Variants in CDH23 observed in about 807,000 individuals in gnomAD.
CDH23 encodes cadherin related 23.
Under a neutral mutation model 317.1 loss-of-function variants are expected in CDH23, and 189 were observed. The observed-to-expected ratio is 0.60, with a 90% CI of 0.53 to 0.67. The LOEUF (loss-of-function observed/expected upper bound fraction) is 0.67. CDH23 is among the 30% of genes least tolerant of loss of function. The pLI is 0.00. For missense variants in CDH23, 4,401 were observed against 4,592.4 expected, an observed-to-expected ratio of 0.96 and a Z score of 1.20; for synonymous variants, 1,839 against 1,876.8, an observed-to-expected ratio of 0.98 and a Z score of 0.52.
chr10:71,765,292 AC>A (rs1840508308), intron 38 of CDH23, among the ~76,000 whole-genome samples: 1 of 152,148 alleles, frequency 6.6e-6, no homozygotes, highest in Non-Finnish European at 1.5e-5. Flanking sequence ...GGTAGTATTT[AC>A]CACCAGCACA....
intron 3 of CDH23, among the ~76,000 whole-genome samples, chr10:71,509,291 G>A (rs957885820): frequency 1.3e-5 from 2 of 152,176 alleles, no homozygotes; most frequent in East Asian, 1.9e-4. Context: ...AATTAGAGAA[G>A]GTGCTTCCAT....
chr10:71,601,602 TC>T (rs1446269760), intron 9 of CDH23, among the ~76,000 whole-genome samples: 2 of 152,120 alleles, frequency 1.3e-5, no homozygotes, highest in Non-Finnish European at 2.9e-5. Flanking sequence ...GTCCTGGGAA[TC>T]TCCAGATTCC....
chr10:71,485,861 C>A (rs1041459252), intron 3 of CDH23, among the ~76,000 whole-genome samples: 1 of 152,214 alleles, frequency 6.6e-6, no homozygotes, highest in South Asian at 2.1e-4. Flanking sequence ...GTTGTCCAGG[C>A]GTCTCAGTCT....
At chr10:71,644,227 C>A (rs1428319147) in intron 12 of CDH23, among the ~76,000 whole-genome samples, 1 of 152,226 alleles carries the variant, frequency 6.6e-6, no homozygotes, top group East Asian at 1.9e-4. Context: ...TGGAGCCCCG[C>A]GGCTTGCCTG....
At chr10:71,562,942 T>A (rs995602654) in intron 6 of CDH23, among the ~76,000 whole-genome samples, 4 of 152,216 alleles carry the variant, frequency 2.6e-5, no homozygotes, top group African/African-American at 9.7e-5. Flanking sequence ...AGAAAATTGA[T>A]TTAATTTCTC....
chr10:71,783,696 C>T (rs9299508), intron 41 of CDH23, among the ~76,000 whole-genome samples: 78,017 of 152,048 alleles, frequency 0.51, 20,415 homozygotes, highest in Middle Eastern at 0.71. Context: ...GTGTAGGGAA[C>T]CCACTCTGCT....
At position 71,758,390 on chromosome 10, in the gene CDH23, G is replaced by A. The variant is rs150713752; in HGVS notation, c.4845+16469G>A. Among the ~76,000 whole-genome samples the A allele has an allele frequency of 1.6e-3, 237 of 152,310 alleles. 1 individual carries two copies. The highest frequency in any genetic ancestry group is 4.8e-3 in the African/African-American group (198 of 41,562). Reference sequence around the variant, plus strand: ...TCTGACACATACAGGGTATAGAGGGGTGTGGAAGCCAAGACCTCTTCTCAG... The same window carrying A: ...TCTGACACATACAGGGTATAGAGGGATGTGGAAGCCAAGACCTCTTCTCAG... On this transcript the variant is annotated intron_variant, in intron 38 of 69. Transcript: ENST00000224721.
intron 3 of CDH23, among the ~76,000 whole-genome samples, chr10:71,448,108 G>T (rs1185065253): frequency 6.6e-6 from 1 of 152,240 alleles, no homozygotes; most frequent in African/African-American, 2.4e-5. Context: ...CCTCTCAAGT[G>T]AGTGGTCCCT....
chr10:71,701,570 A>G lies in CDH23; in HGVS notation c.2398-452A>G, dbSNP rs1320352952. On this transcript the variant is annotated intron_variant, in intron 22 of 69. Coordinates refer to ENST00000224721, the MANE Select transcript of CDH23 (RefSeq NM_022124.6). ...ATCAGGGACCATGTACCTCCCTTCC[A>G]GGGAGCTCCACCCTCTCCTTCCTTA... Among the ~76,000 whole-genome samples, 80 of 151,924 alleles carry G rather than the reference A, an allele frequency of 5.3e-4. 1 individual carries two copies. The highest frequency in any genetic ancestry group is 5.2e-3 in the Admixed American group (80 of 15,278).
At chr10:71,731,149 A>T (rs1256185970) in intron 31 of CDH23, among the ~76,000 whole-genome samples, 2 of 152,126 alleles carry the variant, frequency 1.3e-5, no homozygotes, top group Non-Finnish European at 2.9e-5. Context: ...AATGAAGGGG[A>T]AGCATGCCGG....
chr10:71,703,840 A>G (rs75915904), intron 24 of CDH23, among the ~76,000 whole-genome samples: 8,944 of 152,180 alleles, frequency 0.059, 445 homozygotes, highest in African/African-American at 0.13. Context: ...GAGCAAGTCA[A>G]CCCCCAAACC....
Position 71,694,156 on chromosome 10 carries a change from C to T in CDH23, c.2186C>T (p.Thr729Ile), listed in dbSNP as rs1332729857. 1 of 1,613,742 alleles carries T rather than the reference C, an allele frequency of 6.2e-7. No individual in the cohort carries two copies. Among genetic ancestry groups the T allele is most frequent in the Admixed American group, 1.7e-5 (1 of 60,014 alleles). Residue 729 changes from threonine (T) to isoleucine (I), a missense_variant, in exon 21 of 70, where the codon ACC becomes ATC. Transcript: ENST00000224721. ...CTTCTCTCTCTGGCAGGGGAAATCA[C>T]CACCACGTCTCTGCTTGACCGAGAG... ...FRINARSGEI[T>I]TTSLLDRETK...
chr10:71,805,291 G>T (rs1035415923), intron 55 of CDH23, among the ~76,000 whole-genome samples: 4 of 152,138 alleles, frequency 2.6e-5, no homozygotes, highest in Admixed American at 6.5e-5. Flanking sequence ...GACCCTGATG[G>T]CCAACCCCTA....
At chr10:71,502,438 C>T (rs1289791049) in intron 3 of CDH23, among the ~76,000 whole-genome samples, 3 of 152,172 alleles carry the variant, frequency 2.0e-5, no homozygotes, top group Non-Finnish European at 2.9e-5. Context: ...CTGGCTAGCT[C>T]CCTGGCCCTA....
chr10:71,657,218 G>A (rs1000507645), intron 14 of CDH23, among the ~76,000 whole-genome samples: 6 of 152,240 alleles, frequency 3.9e-5, no homozygotes, highest in South Asian at 2.1e-4. Flanking sequence ...GTCCTGCCTC[G>A]GCTTCCTGCC....
At chr10:71,567,426 G>A (rs1241608172) in intron 7 of CDH23, among the ~76,000 whole-genome samples, 1 of 152,262 alleles carries the variant, frequency 6.6e-6, no homozygotes, top group Non-Finnish European at 1.5e-5. Flanking sequence ...ACAGAGTGGT[G>A]ACATTCCACA....
intron 1 of CDH23, among the ~76,000 whole-genome samples, chr10:71,410,295 G>A (rs1564563337): frequency 6.6e-6 from 1 of 152,164 alleles, no homozygotes; most frequent in African/African-American, 2.4e-5. Context: ...AGTCTTGCAG[G>A]CTGCCTGGGG....
Position 71,446,399 on chromosome 10 carries a change from AGT to A in CDH23, c.145+6_145+7del. The stretch of plus-strand genomic sequence containing the variant: ...ATCAGCGAGGACACGCCTGTGGGTG[AGT>A]GGGGGCATGGGCTGGTGGGCGTGCA... On this transcript the variant is annotated splice_donor_5th_base_variant and intron_variant, in intron 3 of 69. Coordinates refer to ENST00000224721, the MANE Select transcript of CDH23 (RefSeq NM_022124.6). 1.2e-6 allele frequency: 2 copies of A among 1,613,914 alleles called. No individual in the cohort carries two copies. The highest frequency in any genetic ancestry group is 1.7e-6 in the Non-Finnish European group (2 of 1,179,846).
rs1165978403 is a variant in CDH23 at position 71,777,798 on chromosome 10, TCAC to T, written c.4967_4969del (p.Thr1656del). ...CCAGACACGCTCAACACCAGCCTCA[TCAC>T]CATCCAGGCACTGGACCTGGATGAG... On this transcript the variant is annotated inframe_deletion, in exon 39 of 70. Transcript: ENST00000224721. The T allele has an allele frequency of 6.2e-7, 1 of 1,613,888 alleles. No homozygotes were observed. The highest frequency in any genetic ancestry group is 1.1e-5 in the South Asian group (1 of 91,068).
Sources: allele counts gnomAD v4.1 joint callset (sites outside exome capture counted in the v4.1 genomes callset), GRCh38; gene constraint gnomAD v4.1.1; transcripts MANE v1.5; gene names NCBI Gene and HGNC (gene_info 2026-07-23, HGNC 2026-07-21).